Variants in E2F3 observed in about 807,000 individuals in gnomAD.
The protein encoded by E2F3 is E2F transcription factor 3.
Under a neutral mutation model 44.4 loss-of-function variants are expected in E2F3, and 11 were observed. The ratio of observed to expected loss-of-function variants is 0.25; its 90% CI spans 0.16 to 0.41. E2F3 has a LOEUF of 0.41. E2F3 is among the 10% of genes least tolerant of loss of function. The probability of loss-of-function intolerance (pLI) is 1.00; values close to 1 mark genes in which losing one functional copy is unlikely to be tolerated. For synonymous variants in E2F3, 249 were observed against 253.0 expected (o/e 0.98, Z 0.15); for missense variants, 487 against 583.6 (o/e 0.83, Z 1.70).
At chr6:20,436,509 G>C (rs1431377353) in intron 1 of E2F3, among the ~76,000 whole-genome samples, 1 of 150,840 alleles carries the variant, frequency 6.6e-6, no homozygotes, top group South Asian at 2.1e-4. Context: ...ATTTTGTAAC[G>C]TTTTAAGAAA....
At chr6:20,437,324 C>T (rs1760620496) in intron 1 of E2F3, among the ~76,000 whole-genome samples, 1 of 152,156 alleles carries the variant, frequency 6.6e-6, no homozygotes. Context: ...TGATCCGGGG[C>T]AAGGCTATTA....
intron 1 of E2F3, among the ~76,000 whole-genome samples, chr6:20,431,616 C>T (rs934967977): frequency 6.6e-6 from 1 of 152,054 alleles, no homozygotes; most frequent in Non-Finnish European, 1.5e-5. Flanking sequence ...CTGGATGCTT[C>T]TTGGGAGGCC....
chr6:20,482,599 A>AAAAAAAT (rs1177675969), intron 3 of E2F3, among the ~76,000 whole-genome samples, 163 bp from the exon 4 acceptor site: 1 of 134,488 alleles, frequency 7.4e-6, no homozygotes, highest in African/African-American at 2.6e-5. Flanking sequence ...TGAAAAAAAA[A>AAAAAAAT]ATATATATAT....
chr6:20,442,494 G>A (rs189012581), intron 1 of E2F3, among the ~76,000 whole-genome samples: 25 of 152,268 alleles, frequency 1.6e-4, no homozygotes, highest in African/African-American at 5.5e-4. Flanking sequence ...GCGGTGTTTC[G>A]TGCATTTTTA....
At chr6:20,431,676 C>T (rs542722299) in intron 1 of E2F3, among the ~76,000 whole-genome samples, 2 of 152,238 alleles carry the variant, frequency 1.3e-5, no homozygotes, top group East Asian at 1.9e-4. Context: ...TCTACACACA[C>T]TCTTCAATAA....
At chr6:20,473,769 C>A (rs1761963354) in intron 1 of E2F3, among the ~76,000 whole-genome samples, 1 of 152,168 alleles carries the variant, frequency 6.6e-6, no homozygotes, top group Non-Finnish European at 1.5e-5. Context: ...GTGAAAAGAA[C>A]CCAGTACTTT....
intron 1 of E2F3, chr6:20,445,247 C>T (rs899109640): frequency 2.7e-4 from 164 of 603,322 alleles, no homozygotes; most frequent in Admixed American, 2.0e-4. Context: ...TATTTTCTCC[C>T]TTTTTTTTTT....
chr6:20,490,585 A>G lies in E2F3; in HGVS notation c.*155A>G. The G allele has an allele frequency of 1.2e-6, 1 of 801,246 alleles. No homozygotes were observed. The highest frequency in any genetic ancestry group is 1.8e-6 in the Non-Finnish European group (1 of 561,924). 49.6% of individuals were successfully genotyped at this position (801,246 alleles called of 1,614,324 possible). ...CAGAAGAAAGCTGACATTTTAATGA[A>G]TTTTTTAAAAAATTAATAAACAAAT... is the stretch of plus-strand genomic sequence containing the variant. On this transcript the variant is annotated 3_prime_UTR_variant, in exon 7 of 7. Coordinates refer to ENST00000346618, the MANE Select transcript of E2F3 (RefSeq NM_001949.5). The surrounding 1 kb of genome is among the most constrained non-coding windows in gnomAD (Gnocchi z 4.3).
chr6:20,411,362 G>A (rs901724008), intron 1 of E2F3, among the ~76,000 whole-genome samples: 4 of 152,060 alleles, frequency 2.6e-5, no homozygotes, highest in African/African-American at 7.2e-5. Flanking sequence ...GCTCTCCAGA[G>A]GCAATGGAAC....
chr6:20,425,387 C>CTTTT (rs879940355), intron 1 of E2F3, among the ~76,000 whole-genome samples: 4 of 134,794 alleles, frequency 3.0e-5, no homozygotes, highest in Admixed American at 2.2e-4. Context: ...GAACCTTCTA[C>CTTTT]TTTTTTTTTT....
intron 1 of E2F3, among the ~76,000 whole-genome samples, chr6:20,462,458 C>CTT (rs111956411): frequency 9.3e-5 from 13 of 139,422 alleles, no homozygotes; most frequent in African/African-American, 1.1e-4. Context: ...TTCACTAATT[C>CTT]TTTTTTTTTT....
At chr6:20,470,209 C>G (rs1488813984) in intron 1 of E2F3, among the ~76,000 whole-genome samples, 1 of 152,238 alleles carries the variant, frequency 6.6e-6, no homozygotes, top group African/African-American at 2.4e-5. Context: ...CCATGCACCC[C>G]TCTTCATGCC....
chr6:20,423,701 C>T (rs558812237), intron 1 of E2F3, among the ~76,000 whole-genome samples: 71 of 152,156 alleles, frequency 4.7e-4, no homozygotes, highest in South Asian at 2.5e-3. Flanking sequence ...GAACTCCTCA[C>T]GTCGTGATCT....
chr6:20,433,102 CTG>C (rs1376437761), intron 1 of E2F3, among the ~76,000 whole-genome samples: 2 of 152,198 alleles, frequency 1.3e-5, no homozygotes, highest in African/African-American at 4.8e-5. Flanking sequence ...ACTAGGTGCT[CTG>C]TGAATATTTG....
chr6:20,423,959 G>A (rs796728456), intron 1 of E2F3, among the ~76,000 whole-genome samples: 1 of 149,918 alleles, frequency 6.7e-6, no homozygotes, highest in African/African-American at 2.5e-5. Context: ...TAGTAGAGAT[G>A]GGGTTTCACC....
chr6:20,457,355 T>TC (rs1761343371), intron 1 of E2F3, among the ~76,000 whole-genome samples: 1 of 146,320 alleles, frequency 6.8e-6, no homozygotes, highest in Non-Finnish European at 1.5e-5. Context: ...TTTCTTTTTT[T>TC]TTTTTTTTTT....
In E2F3 at chr6:20,491,575, C is replaced by T. The variant is rs1359163989; in HGVS notation, c.*1145C>T. 4 of 205,698 alleles carry T rather than the reference C, an allele frequency of 1.9e-5. No individual in the cohort carries two copies. Among genetic ancestry groups the T allele is most frequent in the African/African-American group, 6.9e-5 (3 of 43,730 alleles). 12.7% of individuals were successfully genotyped at this position (205,698 alleles called of 1,614,324 possible). A position where few individuals can be genotyped will look rare whatever the true frequency, so the allele number is the denominator to read the frequency against. ...TGGGTCCCTCCATCCTTGGGCTTCC[C>T]GGGCCCCTGTGACAGGGGAAAGGGC... On this transcript the variant is annotated 3_prime_UTR_variant, in exon 7 of 7. Coordinates refer to ENST00000346618, the MANE Select transcript of E2F3 (RefSeq NM_001949.5).
Position 20,414,479 on chromosome 6 carries a change from A to G in E2F3, c.393+11854A>G, listed in dbSNP as rs1291812064. Among the ~76,000 whole-genome samples, 10 of 152,324 alleles carry G rather than the reference A, an allele frequency of 6.6e-5. No homozygotes were observed. The East Asian group carries it at 1.9e-3, about 29-fold the overall frequency. The stretch of plus-strand genomic sequence containing the variant: ...CACTCTCTGATTTTTCTCATTAAAA[A>G]AAAAAAATCTTGAATTTATTTTCTT... On this transcript the variant is annotated intron_variant, in intron 1 of 6. Transcript: ENST00000346618.
chr6:20,438,902 A>C (rs1760680382), intron 1 of E2F3, among the ~76,000 whole-genome samples: 1 of 152,144 alleles, frequency 6.6e-6, no homozygotes. Context: ...TCAAACAAAA[A>C]CTAACTGCAT....
Sources: gnomAD v4.1 joint callset for allele counts (sites outside exome capture counted in the v4.1 genomes callset) on GRCh38, gnomAD v4.1.1 for gene constraint, Gnocchi (gnomAD v3.1) non-coding constraint, MANE v1.5 for transcripts, NCBI Gene and HGNC (gene_info 2026-07-23, HGNC 2026-07-21) for gene names.